Variants in GALNT10 observed in about 807,000 individuals in gnomAD.
GALNT10 encodes polypeptide N-acetylgalactosaminyltransferase 10, also known as GalNAc transferase 10.
A neutral mutation model predicts 75.0 loss-of-function variants in GALNT10; 41 were observed. The ratio of observed to expected loss-of-function variants is 0.55; its 90% confidence interval spans 0.43 to 0.71. The LOEUF (loss-of-function observed/expected upper bound fraction) is 0.71, where lower values mean the gene tolerates loss of function less well. Among genes scored for constraint, GALNT10 ranks in the 30% least tolerant of loss-of-function variants. The probability of loss-of-function intolerance (pLI) is 0.00; values close to 1 mark genes in which losing one functional copy is unlikely to be tolerated. For missense variants in GALNT10, 727 were observed against 818.5 expected (o/e 0.89, Z 1.36); for synonymous variants, 302 against 313.0 (o/e 0.96, Z 0.37).
At chr5:154,415,389 G>C (rs1756483279) in intron 10 of GALNT10, among the ~76,000 whole-genome samples, 2 of 151,984 alleles carry the variant, frequency 1.3e-5, no homozygotes, top group South Asian at 4.2e-4. Context: ...CCATGCTGGA[G>C]GGCAGTGGTG....
intron 1 of GALNT10, among the ~76,000 whole-genome samples, chr5:154,237,436 A>G (rs1753264189): frequency 6.6e-6 from 1 of 152,210 alleles, no homozygotes; most frequent in East Asian, 1.9e-4. Context: ...GTGAAAAAGA[A>G]TACCATCTCC....
intron 4 of GALNT10, among the ~76,000 whole-genome samples, chr5:154,336,231 C>T (rs1754943248): frequency 6.6e-6 from 1 of 152,172 alleles, no homozygotes; most frequent in Admixed American, 6.5e-5. Context: ...TATCCATTCA[C>T]CTACTGAAGG....
At chr5:154,311,592 G>A (rs74561650) in intron 3 of GALNT10, among the ~76,000 whole-genome samples, 1,831 of 151,496 alleles carry the variant, frequency 0.012, 39 homozygotes, top group African/African-American at 0.041. Flanking sequence ...CCTGAAACCC[G>A]TGTCTCACAG....
intron 3 of GALNT10, among the ~76,000 whole-genome samples, chr5:154,309,945 TGAGG>T (rs1022270359): frequency 1.6e-4 from 25 of 152,244 alleles, no homozygotes; most frequent in African/African-American, 5.8e-4. Flanking sequence ...AGGAAATGCC[TGAGG>T]CATAACAGAT....
At chr5:154,415,660 G>T in intron 10 of GALNT10, 123 bp from the exon 11 acceptor site, 1 of 979,384 alleles carries the variant, frequency 1.0e-6, no homozygotes, top group Non-Finnish European at 1.5e-6. Flanking sequence ...TAGGTGGTTA[G>T]AACAGGTTAA....
intron 1 of GALNT10, among the ~76,000 whole-genome samples, chr5:154,200,717 C>G (rs1267509216): frequency 6.6e-6 from 1 of 152,110 alleles, no homozygotes; most frequent in Admixed American, 6.5e-5. Context: ...ACTTTAATGG[C>G]TATTTCATTC....
intron 1 of GALNT10, among the ~76,000 whole-genome samples, chr5:154,286,697 G>A (rs1429320338): frequency 6.6e-6 from 1 of 152,200 alleles, no homozygotes; most frequent in African/African-American, 2.4e-5. Flanking sequence ...TCCTATCTGT[G>A]AGTGACCTTC....
At chr5:154,281,458 A>G (rs1754037526) in intron 1 of GALNT10, among the ~76,000 whole-genome samples, 1 of 152,120 alleles carries the variant, frequency 6.6e-6, no homozygotes, top group African/African-American at 2.4e-5. Context: ...ATTCCTTAGC[A>G]TTTGTTTTAT....
intron 2 of GALNT10, among the ~76,000 whole-genome samples, chr5:154,296,350 C>T (rs535812291): frequency 3.3e-5 from 5 of 152,110 alleles, no homozygotes; most frequent in African/African-American, 4.8e-5. Flanking sequence ...CCCACCTCGG[C>T]CTTCCAAAGT....
At chr5:154,334,525 GTTTGT>G (rs1430008559) in intron 4 of GALNT10, among the ~76,000 whole-genome samples, 1 of 152,208 alleles carries the variant, frequency 6.6e-6, no homozygotes, top group Non-Finnish European at 1.5e-5. Context: ...TTGTTAATTT[GTTTGT>G]TTTTATTCCT....
At chr5:154,281,156 A>G (rs541078613) in intron 1 of GALNT10, among the ~76,000 whole-genome samples, 2 of 152,228 alleles carry the variant, frequency 1.3e-5, no homozygotes, top group Admixed American at 6.5e-5. Flanking sequence ...TTTTGAGAGG[A>G]CTCACATTTT....
At chr5:154,316,117 A>G (rs1478010607) in intron 3 of GALNT10, among the ~76,000 whole-genome samples, 4 of 152,208 alleles carry the variant, frequency 2.6e-5, no homozygotes, top group African/African-American at 9.7e-5. Context: ...GCTGAAGTTC[A>G]TTGAATCTTC....
chr5:154,329,717 G>A lies in GALNT10; in HGVS notation c.547G>A (p.Val183Ile), dbSNP rs922626660. The A allele has an allele frequency of 1.9e-6, 3 of 1,613,326 alleles. No homozygotes were observed. The highest frequency in any genetic ancestry group is 2.5e-6 in the Non-Finnish European group (3 of 1,179,506). ...AGAGCTGGTCGCCGAGATTGTACTG[G>A]TCGACGACTTCAGTGATCGAGGTAG... The part of the protein sequence containing the change: ...PPELVAEIVL[V>I]DDFSDREHLK... The change falls in exon 4 of 12, where the codon GTC (valine) becomes ATC (isoleucine). Residue 183 changes from valine (V) to isoleucine (I), a missense_variant. Physicochemically the swap from Val to Ile is conservative, Grantham distance 29. Coordinates refer to ENST00000297107, the MANE Select transcript of GALNT10 (RefSeq NM_198321.4).
rs529907145 is a variant in GALNT10, at chr5:154,347,687, T to C, written c.568+17949T>C. On this transcript the variant is annotated intron_variant, in intron 4 of 11. Transcript: ENST00000297107. The stretch of plus-strand genomic sequence containing the variant: ...GTCTACTTCTAAGGATTTAATGCCT[T>C]ATGTTTTCTTCATTTATTTCTCATA... Among the ~76,000 whole-genome samples, 7 of 152,330 alleles carry C rather than the reference T, an allele frequency of 4.6e-5. No individual in the cohort carries two copies. The South Asian group carries it at 1.2e-3, about 27-fold the overall frequency.
intron 1 of GALNT10, among the ~76,000 whole-genome samples, chr5:154,240,360 G>T (rs1231999084): frequency 6.6e-6 from 1 of 152,206 alleles, no homozygotes. Flanking sequence ...AGTACATAAA[G>T]CACTTAGTAT....
In GALNT10 at chr5:154,340,333, A is replaced by G. The variant is rs114458144; in HGVS notation, c.568+10595A>G. Among the ~76,000 whole-genome samples the G allele has an allele frequency of 6.7e-3, 1,017 of 152,330 alleles. 7 individuals are homozygous for G. Among genetic ancestry groups the G allele is most frequent in the African/African-American group, 0.023 (952 of 41,572 alleles). ...CTGTTGTAAGCGACTTAAATACATT[A>G]TGTTTCACTTTATAGGAAGCCTCTT... is the stretch of plus-strand genomic sequence containing the variant. On this transcript the variant is annotated intron_variant, in intron 4 of 11. Coordinates refer to ENST00000297107, the MANE Select transcript of GALNT10 (RefSeq NM_198321.4).
chr5:154,339,081 A>T (rs1754989341), intron 4 of GALNT10, among the ~76,000 whole-genome samples: 1 of 152,244 alleles, frequency 6.6e-6, no homozygotes, highest in Non-Finnish European at 1.5e-5. Context: ...GTACAAGGGC[A>T]GGGGAAGTGA....
At chr5:154,344,193 C>A (rs755605141) in intron 4 of GALNT10, among the ~76,000 whole-genome samples, 2 of 140,952 alleles carry the variant, frequency 1.4e-5, no homozygotes, top group African/African-American at 2.6e-5. Flanking sequence ...AAATAAATTT[C>A]TTTCTTTCTT....
intron 1 of GALNT10, among the ~76,000 whole-genome samples, chr5:154,206,705 G>A (rs1775116522): frequency 6.6e-6 from 1 of 152,238 alleles, no homozygotes; most frequent in African/African-American, 2.4e-5. Context: ...ACAGCAAAAG[G>A]CAGAGTCACT....
Sources: allele counts gnomAD v4.1 joint callset (sites outside exome capture counted in the v4.1 genomes callset), GRCh38; gene constraint gnomAD v4.1.1; transcripts MANE v1.5; gene names NCBI Gene and HGNC (gene_info 2026-07-23, HGNC 2026-07-21).